KIAA1549L: variants seen among roughly 807,000 people sequenced by gnomAD.
The protein encoded by KIAA1549L is KIAA1549 like, also known as UPF0606 protein KIAA1549L.
Under a neutral mutation model 160.7 loss-of-function variants are expected in KIAA1549L, and 88 were observed. The observed-to-expected ratio is 0.55, with a 90% confidence interval of 0.46 to 0.65. KIAA1549L has a LOEUF of 0.65. KIAA1549L is among the 30% of genes least tolerant of loss of function. The pLI is 0.00. For missense variants in KIAA1549L, 2,258 were observed against 2,437.5 expected (o/e 0.93, Z 1.55); for synonymous variants, 950 against 976.7 (o/e 0.97, Z 0.51).
rs372212076 is a variant in KIAA1549L at position 33,466,766 on chromosome 11, C to G, written c.239-75036C>G. On this transcript the variant is annotated intron_variant, in intron 1 of 20. Coordinates refer to ENST00000658780, the MANE Select transcript of KIAA1549L (RefSeq NM_012194.3). ...GGATAAAGAAAATGTGGCACATATA[C>G]ACTATGGAATACTATGCAGCCATAA... Among the ~76,000 whole-genome samples the G allele has an allele frequency of 8.6e-3, 1,309 of 152,238 alleles. 17 individuals are homozygous for G. Among genetic ancestry groups the G allele is most frequent in the South Asian group, 0.082 (395 of 4,818 alleles).
chr11:33,634,258 A>C (rs1442232205), intron 16 of KIAA1549L, among the ~76,000 whole-genome samples: 1 of 149,528 alleles, frequency 6.7e-6, no homozygotes, highest in Non-Finnish European at 1.5e-5. Context: ...GGGCAGGCTT[A>C]TCTGGAACTC....
intron 1 of KIAA1549L, among the ~76,000 whole-genome samples, chr11:33,522,831 C>G (rs1853527492): frequency 6.6e-6 from 1 of 151,038 alleles, no homozygotes; most frequent in East Asian, 1.9e-4. Context: ...CCTAGGAGTT[C>G]AAGGCTGCAA....
At chr11:33,658,189 C>CA (rs1405775671) in intron 18 of KIAA1549L, among the ~76,000 whole-genome samples, 2 of 151,822 alleles carry the variant, frequency 1.3e-5, no homozygotes, top group East Asian at 1.9e-4. Flanking sequence ...GCCCGGGGAA[C>CA]AAAAAAAAGT....
chr11:33,583,556 C>G, intron 11 of KIAA1549L, 55 bp downstream of exon 11: 1 of 1,484,540 alleles, frequency 6.7e-7, no homozygotes, highest in Non-Finnish European at 9.1e-7. Context: ...GGAGCTCAGC[C>G]TGCCTTTCCC....
intron 10 of KIAA1549L, among the ~76,000 whole-genome samples, chr11:33,582,565 TTCCTGTCTCAAGTA>T (rs1479071993): frequency 6.6e-6 from 1 of 152,226 alleles, no homozygotes; most frequent in Admixed American, 6.5e-5. Flanking sequence ...TCAATACTTT[TTCCTGTCTCAAGTA>T]AATCATAGGA....
intron 17 of KIAA1549L, among the ~76,000 whole-genome samples, chr11:33,646,773 A>T (rs921665369): frequency 2.0e-5 from 3 of 152,198 alleles, no homozygotes; most frequent in Non-Finnish European, 4.4e-5. Context: ...TAATTATTTC[A>T]AAACAATTAT....
rs1159437506 is a variant in KIAA1549L, at chr11:33,545,311, G to A, written c.3318G>A (p.Val1106=). The A allele has an allele frequency of 6.2e-7, 1 of 1,613,598 alleles. No individual in the cohort carries two copies. The highest frequency in any genetic ancestry group is 2.2e-5 in the East Asian group (1 of 44,848). The change falls in exon 3 of 21, where the codon GTG becomes GTA. Residue 1106 remains valine (V), a synonymous_variant. Coordinates refer to ENST00000658780, the MANE Select transcript of KIAA1549L (RefSeq NM_012194.3). The part of the protein sequence containing the change: ...DAVLPAASAA[V]VTTGKMASNL... ...TCCTTCCTGCTGCATCGGCTGCAGTGGTCACGACTGGCAAAATGGCATCCA... is the reference window on the plus strand; with the variant it reads ...TCCTTCCTGCTGCATCGGCTGCAGTAGTCACGACTGGCAAAATGGCATCCA...
At chr11:33,599,666 C>G (rs1339794582) in intron 13 of KIAA1549L, among the ~76,000 whole-genome samples, 1 of 152,190 alleles carries the variant, frequency 6.6e-6, no homozygotes, top group Non-Finnish European at 1.5e-5. Flanking sequence ...GTGGCATTGT[C>G]TATAGATGGC....
At chr11:33,546,256 T>G (rs935331509) in intron 3 of KIAA1549L, among the ~76,000 whole-genome samples, 21 of 152,358 alleles carry the variant, frequency 1.4e-4, no homozygotes, top group African/African-American at 5.1e-4. Flanking sequence ...TGGGAAATTA[T>G]GAAATTAGGC....
At chr11:33,418,429 A>G (rs1850930014) in intron 1 of KIAA1549L, among the ~76,000 whole-genome samples, 2 of 152,196 alleles carry the variant, frequency 1.3e-5, no homozygotes, top group African/African-American at 4.8e-5. Flanking sequence ...GAGATGGCAG[A>G]CAAGGCCCTG....
intron 20 of KIAA1549L, among the ~76,000 whole-genome samples, chr11:33,667,559 AT>A (rs371234540): frequency 6.6e-6 from 1 of 151,604 alleles, no homozygotes; most frequent in African/African-American, 2.4e-5. Context: ...TGCCTGGCTA[AT>A]TTTTTTTGTA....
chr11:33,637,998 G>A (rs971828583), intron 16 of KIAA1549L, among the ~76,000 whole-genome samples: 4 of 152,130 alleles, frequency 2.6e-5, no homozygotes, highest in African/African-American at 9.7e-5. Context: ...CATCACATGG[G>A]CAACCTCTTC....
chr11:33,401,121 G>A (rs1048887846), intron 1 of KIAA1549L, among the ~76,000 whole-genome samples: 4 of 151,760 alleles, frequency 2.6e-5, no homozygotes, highest in East Asian at 3.8e-4. Context: ...TTTCACATCC[G>A]TTGTCTCTGT....
At chr11:33,528,821 C>T (rs904483246) in intron 1 of KIAA1549L, among the ~76,000 whole-genome samples, 3 of 152,028 alleles carry the variant, frequency 2.0e-5, no homozygotes, top group Non-Finnish European at 4.4e-5. Flanking sequence ...CTGGGGACTC[C>T]GGGGGAAAGG....
At chr11:33,538,251 T>C (rs1462177067) in intron 1 of KIAA1549L, among the ~76,000 whole-genome samples, 2 of 152,140 alleles carry the variant, frequency 1.3e-5, no homozygotes, top group African/African-American at 4.8e-5. Flanking sequence ...ACCTGGTCTT[T>C]CCCTTGACAT....
chr11:33,466,011 A>G (rs1178165676), intron 1 of KIAA1549L, among the ~76,000 whole-genome samples: 1 of 152,256 alleles, frequency 6.6e-6, no homozygotes, highest in South Asian at 2.1e-4. Flanking sequence ...TAATCACAAC[A>G]TGCCTTATTA....
intron 1 of KIAA1549L, among the ~76,000 whole-genome samples, chr11:33,454,581 C>T (rs1299462275): frequency 1.3e-5 from 2 of 152,110 alleles, no homozygotes; most frequent in Non-Finnish European, 2.9e-5. Flanking sequence ...GTGTTTATAA[C>T]AGTGACCCTG....
At chr11:33,594,514 G>T (rs576702913) in intron 12 of KIAA1549L, among the ~76,000 whole-genome samples, 1 of 152,302 alleles carries the variant, frequency 6.6e-6, no homozygotes, top group Non-Finnish European at 1.5e-5. Context: ...TGTTCATATG[G>T]TTTCTCATCC....
chr11:33,562,904 C>G (rs1854916859), intron 8 of KIAA1549L, among the ~76,000 whole-genome samples: 1 of 151,926 alleles, frequency 6.6e-6, no homozygotes, highest in South Asian at 2.1e-4. Flanking sequence ...TGGTCTCGAA[C>G]TCCTGACCTC....
Sources: gnomAD v4.1 joint callset for allele counts (sites outside exome capture counted in the v4.1 genomes callset) on GRCh38, gnomAD v4.1.1 for gene constraint, MANE v1.5 for transcripts, NCBI Gene and HGNC (gene_info 2026-07-23, HGNC 2026-07-21) for gene names.